The following SLC41A2 variants were observed in gnomAD, a reference collection of about 807,000 sequenced individuals.
SLC41A2 encodes SLC41A1-like 1.
In SLC41A2, 32 loss-of-function variants were observed where a neutral mutation model predicts 58.3. The observed-to-expected ratio is 0.55, with a 90% CI of 0.41 to 0.74. SLC41A2 has a LOEUF of 0.74. SLC41A2 is among the 30% of genes least tolerant of loss of function. The pLI, the probability that SLC41A2 is intolerant of heterozygous loss-of-function variation, is 0.00. For synonymous variants in SLC41A2, 190 were observed against 235.0 expected, an observed-to-expected ratio of 0.81 and a Z score of 1.75; for missense variants, 514 against 680.6, an observed-to-expected ratio of 0.76 and a Z score of 2.72.
chr12:104,905,174 G>C (rs1197724817), intron 3 of SLC41A2, among the ~76,000 whole-genome samples: 2 of 152,112 alleles, frequency 1.3e-5, no homozygotes, highest in African/African-American at 4.8e-5. Flanking sequence ...GTGTCGATTG[G>C]TGCACTCACA....
intron 6 of SLC41A2, among the ~76,000 whole-genome samples, chr12:104,880,446 G>A (rs965522672): frequency 3.3e-5 from 5 of 152,184 alleles, no homozygotes; most frequent in Admixed American, 2.6e-4. Context: ...GATATTGGCT[G>A]TGGGTTTGTC....
intron 10 of SLC41A2, among the ~76,000 whole-genome samples, chr12:104,825,692 T>C (rs2041816828): frequency 6.6e-6 from 1 of 152,158 alleles, no homozygotes; most frequent in Admixed American, 6.5e-5. Flanking sequence ...AAATATCTTT[T>C]CAGTCCCAAA....
chr12:104,878,803 T>C (rs968205238), intron 6 of SLC41A2, among the ~76,000 whole-genome samples: 1 of 152,200 alleles, frequency 6.6e-6, no homozygotes, highest in African/African-American at 2.4e-5. Context: ...AGCAGCATGA[T>C]TTATAATCCT....
intron 4 of SLC41A2, among the ~76,000 whole-genome samples, chr12:104,893,666 T>C (rs1247576508): frequency 1.3e-5 from 2 of 152,214 alleles, no homozygotes. Context: ...AATGGAGCAC[T>C]ATTCAGCCAT....
intron 6 of SLC41A2, among the ~76,000 whole-genome samples, chr12:104,875,941 G>A (rs1177261795): frequency 1.3e-5 from 2 of 152,150 alleles, no homozygotes; most frequent in Admixed American, 1.3e-4. Flanking sequence ...TTTGTTGGGA[G>A]GATTTTAATT....
intron 3 of SLC41A2, among the ~76,000 whole-genome samples, chr12:104,897,147 T>TC (rs1555210662): frequency 2.8e-5 from 4 of 143,142 alleles, no homozygotes; most frequent in African/African-American, 7.9e-5. Flanking sequence ...CTTTTTTCTT[T>TC]TTTTTTTTTT....
At chr12:104,885,923 G>A (rs1022251880) in intron 6 of SLC41A2, among the ~76,000 whole-genome samples, 9 of 152,016 alleles carry the variant, frequency 5.9e-5, no homozygotes, top group Non-Finnish European at 8.8e-5. Context: ...GAACACTGCA[G>A]GTTGACTCCT....
intron 3 of SLC41A2, among the ~76,000 whole-genome samples, chr12:104,898,488 G>T: frequency 6.7e-6 from 1 of 150,340 alleles, no homozygotes; most frequent in East Asian, 1.9e-4. Context: ...TGAAACAAAG[G>T]TACTGAAAGT....
intron 3 of SLC41A2, 79 bp from the exon 4 acceptor site, chr12:104,895,424 T>C: frequency 1.0e-6 from 1 of 970,368 alleles, no homozygotes; most frequent in Non-Finnish European, 1.6e-6. Flanking sequence ...ACATGAAATC[T>C]TAAAGCCCAA....
At chr12:104,916,517 T>A (rs2046329106) in intron 2 of SLC41A2, among the ~76,000 whole-genome samples, 1 of 152,048 alleles carries the variant, frequency 6.6e-6, no homozygotes, top group African/African-American at 2.4e-5. Context: ...CATCGCCAAG[T>A]CAATCCTAAG....
At chr12:104,860,394 T>TAAAAAAA (rs745857381) in intron 8 of SLC41A2, among the ~76,000 whole-genome samples, 1 of 101,706 alleles carries the variant, frequency 9.8e-6, no homozygotes. Flanking sequence ...GAACTTAAAC[T>TAAAAAAA]AAAAAAAAAA....
chr12:104,934,504 GAA>G (rs10592870), intron 1 of SLC41A2, among the ~76,000 whole-genome samples: 14,706 of 148,958 alleles, frequency 0.099, 1,129 homozygotes, highest in East Asian at 0.26. Context: ...GACGTTTAGA[GAA>G]AAAAAAAAGA....
chr12:104,815,351 G>T (rs955017044), intron 10 of SLC41A2, among the ~76,000 whole-genome samples: 2 of 152,126 alleles, frequency 1.3e-5, no homozygotes, highest in African/African-American at 4.8e-5. Context: ...TATGAAATAT[G>T]CATAACCTCT....
rs1378845219 is a variant in SLC41A2, at chr12:104,861,343, A to G, written c.1203T>C (p.Thr401=). The G allele has an allele frequency of 6.2e-7, 1 of 1,613,456 alleles. No homozygotes were observed. Among genetic ancestry groups the G allele is most frequent in the Non-Finnish European group, 8.5e-7 (1 of 1,179,556 alleles). The part of the protein sequence containing the change: ...SSIGGLILDT[T]VSDPNLVGIV... ...TCCCAACCAAGTTTGGGTCTGATAC[A>G]GTTGTGTCCAGAATAAGGCCCCCAA... Residue 401 remains threonine (T), a synonymous_variant, in exon 8 of 11, where the codon ACT becomes ACC. Coordinates refer to ENST00000258538, the MANE Select transcript of SLC41A2 (RefSeq NM_001352171.3).
intron 3 of SLC41A2, among the ~76,000 whole-genome samples, chr12:104,904,266 T>G (rs10507187): frequency 6.6e-6 from 1 of 152,176 alleles, no homozygotes; most frequent in South Asian, 2.1e-4. Context: ...TCTTGTATGC[T>G]TAACTATGTT....
chr12:104,856,032 A>G (rs2136394390), intron 8 of SLC41A2, among the ~76,000 whole-genome samples: 1 of 152,342 alleles, frequency 6.6e-6, no homozygotes, highest in South Asian at 2.1e-4. Flanking sequence ...ACTTTTGCAT[A>G]TATCAAAATC....
intron 10 of SLC41A2, among the ~76,000 whole-genome samples, chr12:104,836,301 G>T (rs969548946): frequency 1.3e-5 from 2 of 152,148 alleles, no homozygotes; most frequent in African/African-American, 4.8e-5. Flanking sequence ...GCTGTTGTGA[G>T]GACTCAATCA....
chr12:104,878,589 T>A (rs2044184865), intron 6 of SLC41A2, among the ~76,000 whole-genome samples: 1 of 152,080 alleles, frequency 6.6e-6, no homozygotes, highest in South Asian at 2.1e-4. Context: ...TGCAACAGTT[T>A]GCTCAGAATG....
intron 3 of SLC41A2, among the ~76,000 whole-genome samples, chr12:104,905,309 G>C (rs1157959342): frequency 6.6e-6 from 1 of 152,196 alleles, no homozygotes; most frequent in East Asian, 1.9e-4. Context: ...CCTCACCAGA[G>C]CAGCTAGATA....
Sources: gnomAD v4.1 joint callset for allele counts (sites outside exome capture counted in the v4.1 genomes callset) on GRCh38, gnomAD v4.1.1 for gene constraint, MANE v1.5 for transcripts, NCBI Gene and HGNC (gene_info 2026-07-23, HGNC 2026-07-21) for gene names.